Variants in CALN1 observed in about 807,000 individuals in gnomAD.
The protein encoded by CALN1 is calneuron 1.
In CALN1, 17 loss-of-function variants were observed where a neutral mutation model predicts 30.6. That is an observed-to-expected ratio of 0.56 (90% CI 0.38 to 0.83). The LOEUF (loss-of-function observed/expected upper bound fraction) is 0.83. CALN1 is among the 40% of genes least tolerant of loss of function. CALN1 has a pLI of 0.00. For synonymous variants in CALN1, 156 were observed against 131.4 expected (o/e 1.19, Z -1.28); for missense variants, 291 against 354.9 (o/e 0.82, Z 1.45).
At chr7:72,493,644 A>G in the CALN1 span, among the ~76,000 whole-genome samples, 4 of 152,156 alleles carry the variant, frequency 2.6e-5, no homozygotes, top group African/African-American at 9.7e-5. Flanking sequence ...TGGCCGATTA[A>G]TTATTCTTAT....
At chr7:71,904,711 A>G (rs780423038) in intron 5 of CALN1, among the ~76,000 whole-genome samples, 9 of 152,246 alleles carry the variant, frequency 5.9e-5, no homozygotes, top group Non-Finnish European at 1.3e-4. Context: ...CACAAAAATG[A>G]TAACTATTTG....
At position 71,787,816 on chromosome 7, in the gene CALN1, G is replaced by A. The variant is rs1222271081; in HGVS notation, c.745C>T (p.Leu249=). The part of the protein sequence containing the change: ...FAMAFIISVM[L]IAANQILRSG... ...CGGAGTATCTGGTTGGCTGCAATCAGCATGACACTGATGATGAAGGCCATA... is the reference window on the plus strand; with the variant it reads ...CGGAGTATCTGGTTGGCTGCAATCAACATGACACTGATGATGAAGGCCATA... Residue 249 remains leucine (L), a synonymous_variant, in exon 7 of 7, where the codon CTG becomes TTG. Transcript: ENST00000395275. The A allele has an allele frequency of 6.2e-7, 1 of 1,614,148 alleles. No individual in the cohort carries two copies. The highest frequency in any genetic ancestry group is 1.1e-5 in the South Asian group (1 of 91,082).
chr7:72,049,078 G>A (rs138671477), intron 4 of CALN1, among the ~76,000 whole-genome samples: 2,713 of 152,072 alleles, frequency 0.018, 73 homozygotes, highest in African/African-American at 0.061. Flanking sequence ...TAAAGTGCTG[G>A]GATTATCGGT....
chr7:71,791,556 G>A (rs1793387275), intron 6 of CALN1, among the ~76,000 whole-genome samples: 1 of 152,178 alleles, frequency 6.6e-6, no homozygotes. Flanking sequence ...ACTTGAGGAT[G>A]GAGGGTAGGA....
Position 71,823,672 on chromosome 7 carries a change from T to G in CALN1, c.502-13180A>C, listed in dbSNP as rs544236579. Among the ~76,000 whole-genome samples the G allele has an allele frequency of 7.2e-5, 11 of 151,744 alleles. No individual in the cohort carries two copies. The East Asian group carries it at 1.9e-3, about 27-fold the overall frequency. ...GGTGGAAGTTGCAGTGAGCCGAGAT[T>G]GCACCACTGCACTCCAGCCTGGGCA... On this transcript the variant is annotated intron_variant, in intron 5 of 6. Coordinates refer to ENST00000395275, the MANE Select transcript of CALN1 (RefSeq NM_031468.4).
chr7:72,229,382 G>C (rs1016006239), intron 3 of CALN1, among the ~76,000 whole-genome samples: 2 of 152,030 alleles, frequency 1.3e-5, no homozygotes, highest in African/African-American at 4.8e-5. Context: ...CACTTGGGAG[G>C]CTGAGGCAAG....
intron 1 of CALN1, among the ~76,000 whole-genome samples, chr7:72,406,201 G>A (rs1041280744): frequency 3.3e-5 from 5 of 152,148 alleles, no homozygotes; most frequent in Admixed American, 1.3e-4. Context: ...GCCTGCTGGC[G>A]TAACGAGGGA....
chr7:72,026,261 T>C (rs1230856758), intron 4 of CALN1, among the ~76,000 whole-genome samples: 1 of 152,154 alleles, frequency 6.6e-6, no homozygotes, highest in Admixed American at 6.5e-5. Context: ...TGTAAAGTGC[T>C]GTTTCCTTTG....
At chr7:72,329,545 C>T (rs1051037085) in intron 2 of CALN1, among the ~76,000 whole-genome samples, 3 of 152,334 alleles carry the variant, frequency 2.0e-5, no homozygotes, top group Admixed American at 1.3e-4. Flanking sequence ...CAGTTCATTC[C>T]TGCTTTGAGA....
intron 6 of CALN1, among the ~76,000 whole-genome samples, chr7:71,799,686 G>T (rs1787190454): frequency 6.6e-6 from 1 of 152,024 alleles, no homozygotes; most frequent in Non-Finnish European, 1.5e-5. Flanking sequence ...ATGTTGGTCA[G>T]GCTGGTCTCG....
intron 2 of CALN1, among the ~76,000 whole-genome samples, chr7:72,366,719 A>G (rs370971994): frequency 2.6e-4 from 40 of 152,166 alleles, no homozygotes; most frequent in African/African-American, 9.7e-4. Flanking sequence ...TTGTTTAATG[A>G]CTAAAGCAGG....
intron 4 of CALN1, among the ~76,000 whole-genome samples, chr7:72,058,070 G>A (rs577243834): frequency 5.9e-5 from 9 of 152,144 alleles, no homozygotes; most frequent in African/African-American, 2.2e-4. Flanking sequence ...ATCATTTCAC[G>A]CAAAATTAGA....
intron 5 of CALN1, among the ~76,000 whole-genome samples, chr7:71,986,344 G>A (rs151283838): frequency 6.6e-6 from 1 of 152,206 alleles, no homozygotes; most frequent in South Asian, 2.1e-4. Context: ...AGGATTACAG[G>A]TGTGAGCCAC....
intron 2 of CALN1, among the ~76,000 whole-genome samples, chr7:72,308,441 C>A (rs997300211): frequency 5.4e-5 from 8 of 147,028 alleles, no homozygotes; most frequent in Non-Finnish European, 1.0e-4. Context: ...CCACAAAGTA[C>A]CACCAAAGCT....
intron 2 of CALN1, among the ~76,000 whole-genome samples, chr7:72,341,992 T>C (rs2944817): frequency 0.32 from 48,981 of 151,822 alleles, 9,616 homozygotes; most frequent in Middle Eastern, 0.51. Flanking sequence ...TGGCTCACAC[T>C]TGTAATACCG....
intron 3 of CALN1, among the ~76,000 whole-genome samples, chr7:72,126,100 A>G (rs1808745759): frequency 6.6e-6 from 1 of 152,022 alleles, no homozygotes; most frequent in East Asian, 1.9e-4. Context: ...CGCCCAGCTC[A>G]CTGTATCATT....
At chr7:71,998,115 G>A (rs1310153873) in intron 5 of CALN1, among the ~76,000 whole-genome samples, 1 of 152,030 alleles carries the variant, frequency 6.6e-6, no homozygotes, top group African/African-American at 2.4e-5. Context: ...GTCAGCCATG[G>A]TGCCCAGCCC....
Position 72,204,219 on chromosome 7 carries a change from T to C in CALN1, c.244+74467A>G, listed in dbSNP as rs1791663756. ...ACCGTGTTAGCCAGGATGGTCTCCATCTCCTGACCTCGTGATTCTCCCGCC... is the reference window on the plus strand; with the variant it reads ...ACCGTGTTAGCCAGGATGGTCTCCACCTCCTGACCTCGTGATTCTCCCGCC... On this transcript the variant is annotated intron_variant, in intron 3 of 6. Transcript: ENST00000395275. Among the ~76,000 whole-genome samples the C allele has an allele frequency of 2.0e-5, 3 of 151,204 alleles. 1 individual carries two copies. The South Asian group carries it at 6.3e-4, about 32-fold the overall frequency.
chr7:71,817,404 G>C (rs1185366710), intron 5 of CALN1, among the ~76,000 whole-genome samples: 1 of 152,200 alleles, frequency 6.6e-6, no homozygotes, highest in Non-Finnish European at 1.5e-5. Context: ...GGATCATAGG[G>C]AAGAGAATGT....
Sources: gnomAD v4.1 joint callset for allele counts (sites outside exome capture counted in the v4.1 genomes callset) on GRCh38, gnomAD v4.1.1 for gene constraint, MANE v1.5 for transcripts, NCBI Gene and HGNC (gene_info 2026-07-23, HGNC 2026-07-21) for gene names.